Variants in KCNH5 observed in about 807,000 individuals in gnomAD.
KCNH5 encodes voltage-gated delayed rectifier potassium channel KCNH5.
In KCNH5, 46 loss-of-function variants were observed where a neutral mutation model predicts 96.1. The ratio of observed to expected loss-of-function variants is 0.48; its 90% CI spans 0.38 to 0.61. KCNH5 has a LOEUF of 0.61. KCNH5 is among the 20% of genes least tolerant of loss of function. The pLI, the probability that KCNH5 is intolerant of heterozygous loss-of-function variation, is 0.00. For missense variants in KCNH5, 907 were observed against 1,225.8 expected, an observed-to-expected ratio of 0.74 and a Z score of 3.88; for synonymous variants, 439 against 449.8, an observed-to-expected ratio of 0.98 and a Z score of 0.30.
chr14:62,790,018 C>T (rs1034396080), intron 9 of KCNH5, among the ~76,000 whole-genome samples: 5 of 150,614 alleles, frequency 3.3e-5, no homozygotes, highest in Admixed American at 6.6e-5. Context: ...TTCTCATCAA[C>T]GTGTTTTATG....
intron 10 of KCNH5, among the ~76,000 whole-genome samples, chr14:62,775,074 G>A (rs908156060): frequency 2.0e-5 from 3 of 152,146 alleles, no homozygotes; most frequent in Non-Finnish European, 4.4e-5. Context: ...AAATAGTAAT[G>A]AGCATAAATG....
chr14:63,026,501 T>C (rs189561774), intron 1 of KCNH5, among the ~76,000 whole-genome samples: 8 of 141,128 alleles, frequency 5.7e-5, no homozygotes, highest in Admixed American at 2.1e-4. Context: ...GAAACTCAAC[T>C]TGATAGTAAG....
intron 6 of KCNH5, among the ~76,000 whole-genome samples, chr14:62,978,378 A>G (rs1027879862): frequency 2.6e-5 from 4 of 152,214 alleles, no homozygotes; most frequent in Non-Finnish European, 4.4e-5. Context: ...CTACTTAGCT[A>G]CTACACTCAA....
chr14:63,009,388 T>C (rs1292239825), intron 2 of KCNH5, among the ~76,000 whole-genome samples: 5 of 152,198 alleles, frequency 3.3e-5, no homozygotes, highest in Non-Finnish European at 5.9e-5. Context: ...CATTAGTTAG[T>C]CCTTCCAATG....
intron 6 of KCNH5, among the ~76,000 whole-genome samples, chr14:62,977,210 A>T (rs78423475): frequency 0.18 from 27,899 of 151,552 alleles, 2,989 homozygotes; most frequent in Non-Finnish European, 0.25. Context: ...AAAAAAATTT[A>T]AAAAAAATTA....
intron 1 of KCNH5, among the ~76,000 whole-genome samples, chr14:63,025,577 T>A (rs1891508327): frequency 6.9e-6 from 1 of 144,626 alleles, no homozygotes; most frequent in Non-Finnish European, 1.5e-5. Context: ...CAACAAGCTA[T>A]CCAAATAAGC....
chr14:62,920,606 T>C lies in KCNH5; in HGVS notation c.1369+29527A>G, dbSNP rs370490800. On this transcript the variant is annotated intron_variant, in intron 7 of 10. Transcript: ENST00000322893. ...CTGTGCAACTTAAAAATCACTAGAT[T>C]CAGTGTTGTTCTGGGTTCAAAAAAA... 3.8e-4 allele frequency among the ~76,000 whole-genome samples: 58 copies of C among 152,172 alleles called. 3 individuals carry two copies. In the South Asian group the frequency reaches 7.5e-3, roughly 20 times the overall value.
At chr14:62,730,637 C>A (rs971184833) in intron 10 of KCNH5, among the ~76,000 whole-genome samples, 4 of 152,176 alleles carry the variant, frequency 2.6e-5, no homozygotes, top group Admixed American at 2.6e-4. Context: ...AAACCTCTTT[C>A]CTCATCTATC....
intron 8 of KCNH5, among the ~76,000 whole-genome samples, chr14:62,841,099 T>C (rs1887576018): frequency 2.0e-5 from 3 of 151,552 alleles, no homozygotes; most frequent in African/African-American, 4.8e-5. Context: ...GTCATTACCA[T>C]TAAAAAAAAA....
rs528302528 is a variant in KCNH5, at chr14:63,045,412, C to G, written c.-226G>C. ...CATGGTAGTAGCGCTCCCCCGGCCG[C>G]CGCTGCCCAGACTGTGGCGGTGCCG... On this transcript the variant is annotated 5_prime_UTR_variant, in exon 1 of 11. Transcript: ENST00000322893. 2.1e-5 allele frequency: 12 copies of G among 565,078 alleles called. No homozygotes were observed. The highest frequency in any genetic ancestry group is 3.5e-5 in the Non-Finnish European group (11 of 313,956). 35.0% of individuals were successfully genotyped at this position (565,078 alleles called of 1,614,324 possible). A position where few individuals can be genotyped will look rare whatever the true frequency, so the allele number is the denominator to read the frequency against.
At chr14:62,821,116 G>GA (rs575609040) in intron 8 of KCNH5, among the ~76,000 whole-genome samples, 99 of 126,442 alleles carry the variant, frequency 7.8e-4, no homozygotes, top group African/African-American at 2.0e-3. Context: ...AAATTTGCAA[G>GA]AAAAAAAAAA....
chr14:62,821,420 A>G (rs1478858297), intron 8 of KCNH5, among the ~76,000 whole-genome samples: 1 of 152,134 alleles, frequency 6.6e-6, no homozygotes, highest in Non-Finnish European at 1.5e-5. Flanking sequence ...TATTTGCATG[A>G]GCCCATTTTG....
At chr14:62,988,176 C>T (rs1890744895) in intron 4 of KCNH5, among the ~76,000 whole-genome samples, 1 of 151,898 alleles carries the variant, frequency 6.6e-6, no homozygotes. Flanking sequence ...AGAACAAAAC[C>T]AGCCATACTC....
intron 10 of KCNH5, among the ~76,000 whole-genome samples, chr14:62,761,015 A>T (rs1327465050): frequency 6.6e-6 from 1 of 152,214 alleles, no homozygotes; most frequent in South Asian, 2.1e-4. Flanking sequence ...TGAATTCACC[A>T]TAAACACCTT....
chr14:62,809,727 C>A (rs140115752), intron 8 of KCNH5, among the ~76,000 whole-genome samples: 1 of 151,976 alleles, frequency 6.6e-6, no homozygotes, highest in Non-Finnish European at 1.5e-5. Flanking sequence ...TCAGTCTTAC[C>A]GGAATTTGTC....
At chr14:62,941,677 G>A (rs1889793144) in intron 7 of KCNH5, among the ~76,000 whole-genome samples, 1 of 152,142 alleles carries the variant, frequency 6.6e-6, no homozygotes, top group South Asian at 2.1e-4. Flanking sequence ...ATGAAAATCA[G>A]CATGTACACA....
intron 7 of KCNH5, among the ~76,000 whole-genome samples, chr14:62,939,964 CT>C (rs1889757796): frequency 6.6e-6 from 1 of 152,040 alleles, no homozygotes; most frequent in South Asian, 2.1e-4. Context: ...TTTCAGGAAG[CT>C]TACGTACAAT....
intron 8 of KCNH5, among the ~76,000 whole-genome samples, chr14:62,843,177 T>C (rs1057051792): frequency 6.6e-6 from 1 of 152,160 alleles, no homozygotes; most frequent in Non-Finnish European, 1.5e-5. Flanking sequence ...TCCAAGAACT[T>C]TGTGCCATCA....
At chr14:62,974,281 T>G (rs1168077071) in intron 6 of KCNH5, among the ~76,000 whole-genome samples, 1 of 152,164 alleles carries the variant, frequency 6.6e-6, no homozygotes, top group African/African-American at 2.4e-5. Context: ...TCCTGAATCC[T>G]CCTATGCTAC....
Sources: gnomAD v4.1 joint callset for allele counts (sites outside exome capture counted in the v4.1 genomes callset) on GRCh38, gnomAD v4.1.1 for gene constraint, MANE v1.5 for transcripts, NCBI Gene and HGNC (gene_info 2026-07-23, HGNC 2026-07-21) for gene names.